The following PRR16 variants were observed in gnomAD, a reference collection of about 807,000 sequenced individuals.
The protein encoded by PRR16 is proline rich 16, also known as protein Largen.
PRR16 carries 6 observed loss-of-function variants against 18.2 expected under a neutral mutation model. The observed-to-expected ratio is 0.33, with a 90% CI of 0.18 to 0.65. The LOEUF (loss-of-function observed/expected upper bound fraction) is 0.65. Ranked by LOEUF, PRR16 falls within the 30% of genes least tolerant of loss-of-function variation. The pLI, the probability that PRR16 is intolerant of heterozygous loss-of-function variation, is 0.74. For synonymous variants in PRR16, 151 were observed against 147.8 expected, an observed-to-expected ratio of 1.02 and a Z score of -0.16; for missense variants, 412 against 376.6, an observed-to-expected ratio of 1.09 and a Z score of -0.78.
chr5:120,673,779 A>T (rs1756695609), intron 1 of PRR16, among the ~76,000 whole-genome samples: 1 of 151,252 alleles, frequency 6.6e-6, no homozygotes, highest in African/African-American at 2.4e-5. Flanking sequence ...TATCTAAAAA[A>T]AATAAAAAAT....
chr5:120,483,341 T>G (rs1749683787), intron 1 of PRR16, among the ~76,000 whole-genome samples: 1 of 152,180 alleles, frequency 6.6e-6, no homozygotes, highest in Non-Finnish European at 1.5e-5. Context: ...AAAAATCAGT[T>G]TGGACTTGGT....
intron 1 of PRR16, among the ~76,000 whole-genome samples, chr5:120,626,724 T>G (rs559187338): frequency 2.6e-5 from 4 of 152,274 alleles, no homozygotes; most frequent in African/African-American, 9.6e-5. Context: ...ATTTTACAAT[T>G]CATTGTAATT....
the PRR16 span, among the ~76,000 whole-genome samples, chr5:120,719,263 A>G: frequency 6.6e-6 from 1 of 152,038 alleles, no homozygotes; most frequent in African/African-American, 2.4e-5. Flanking sequence ...GACCAGAGTG[A>G]TAATGACAAT....
chr5:120,630,854 G>A (rs980710391), intron 1 of PRR16, among the ~76,000 whole-genome samples: 3 of 152,110 alleles, frequency 2.0e-5, no homozygotes, highest in African/African-American at 7.2e-5. Context: ...CCCTTGGAAA[G>A]TCCCTTTCCT....
At chr5:120,494,586 T>C (rs1750180754) in intron 1 of PRR16, among the ~76,000 whole-genome samples, 1 of 152,146 alleles carries the variant, frequency 6.6e-6, no homozygotes, top group South Asian at 2.1e-4. Flanking sequence ...CTTCACGAGG[T>C]CTTTCTTAGA....
intron 1 of PRR16, among the ~76,000 whole-genome samples, chr5:120,525,245 A>T (rs983626800): frequency 6.6e-6 from 1 of 152,142 alleles, no homozygotes; most frequent in Non-Finnish European, 1.5e-5. Flanking sequence ...GTTGTCTTCA[A>T]ATTCACCAGA....
At chr5:120,546,466 C>T (rs1228462511) in intron 1 of PRR16, among the ~76,000 whole-genome samples, 1 of 152,048 alleles carries the variant, frequency 6.6e-6, no homozygotes, top group Non-Finnish European at 1.5e-5. Flanking sequence ...TTAGCAGGAA[C>T]CAGCAACAGC....
At chr5:120,560,916 A>G (rs1752553979) in intron 1 of PRR16, among the ~76,000 whole-genome samples, 1 of 152,086 alleles carries the variant, frequency 6.6e-6, no homozygotes, top group Non-Finnish European at 1.5e-5. Flanking sequence ...ATTGGCATAT[A>G]GTTGTACATA....
intron 1 of PRR16, among the ~76,000 whole-genome samples, chr5:120,589,454 A>G (rs911384633): frequency 6.6e-6 from 1 of 152,132 alleles, no homozygotes; most frequent in Non-Finnish European, 1.5e-5. Context: ...CTCTATTACC[A>G]CTTCACACAC....
intron 1 of PRR16, among the ~76,000 whole-genome samples, chr5:120,537,394 C>T (rs1751752443): frequency 6.6e-6 from 1 of 152,006 alleles, no homozygotes; most frequent in Non-Finnish European, 1.5e-5. Flanking sequence ...GTTACATTTG[C>T]TTAATTTGCC....
intron 1 of PRR16, among the ~76,000 whole-genome samples, chr5:120,565,739 T>A (rs1752715943): frequency 6.6e-6 from 1 of 152,240 alleles, no homozygotes; most frequent in Non-Finnish European, 1.5e-5. Flanking sequence ...AATTCTAAAG[T>A]GCATTATAAG....
chr5:120,711,148 A>G, the PRR16 span, among the ~76,000 whole-genome samples: 8 of 152,118 alleles, frequency 5.3e-5, no homozygotes, highest in African/African-American at 1.9e-4. Context: ...ATTTTTTCCC[A>G]TCTCAAGGTT....
chr5:120,589,091 C>T (rs1407247623), intron 1 of PRR16, among the ~76,000 whole-genome samples: 1 of 152,004 alleles, frequency 6.6e-6, no homozygotes, highest in Non-Finnish European at 1.5e-5. Flanking sequence ...ATAAAACCCA[C>T]TGGATAAGGT....
chr5:120,683,106 C>T (rs574479617), intron 1 of PRR16, among the ~76,000 whole-genome samples: 2 of 152,170 alleles, frequency 1.3e-5, no homozygotes, highest in East Asian at 1.9e-4. Flanking sequence ...AGATTGGGAA[C>T]AGAAATACAG....
intron 1 of PRR16, among the ~76,000 whole-genome samples, chr5:120,598,755 A>G (rs1797795629): frequency 6.6e-6 from 1 of 151,958 alleles, no homozygotes; most frequent in Non-Finnish European, 1.5e-5. Context: ...TGCAAAAGAC[A>G]TGATTTCAAT....
At chr5:120,752,606 G>C in the PRR16 span, among the ~76,000 whole-genome samples, 498 of 152,124 alleles carry the variant, frequency 3.3e-3, 2 homozygotes, top group South Asian at 8.3e-3. Flanking sequence ...ACCATTATGT[G>C]AGACCAACAA....
At chr5:120,651,589 A>T (rs556571789) in intron 1 of PRR16, among the ~76,000 whole-genome samples, 1 of 152,028 alleles carries the variant, frequency 6.6e-6, no homozygotes, top group African/African-American at 2.4e-5. Flanking sequence ...ACAGGGAATC[A>T]TTTCCCCATT....
chr5:120,675,955 A>G (rs1175186570), intron 1 of PRR16, among the ~76,000 whole-genome samples: 2 of 152,192 alleles, frequency 1.3e-5, no homozygotes, highest in East Asian at 1.9e-4. Flanking sequence ...ACTTATATGC[A>G]TATTATAAAA....
chr5:120,527,950 G>A (rs1241577697), intron 1 of PRR16, among the ~76,000 whole-genome samples: 1 of 152,070 alleles, frequency 6.6e-6, no homozygotes, highest in African/African-American at 2.4e-5. Context: ...AGAGGTGAAG[G>A]GAAATCCACA....
Sources: allele counts gnomAD v4.1 joint callset (sites outside exome capture counted in the v4.1 genomes callset), GRCh38; gene constraint gnomAD v4.1.1; transcripts MANE v1.5; gene names NCBI Gene and HGNC (gene_info 2026-07-23, HGNC 2026-07-21).